SUSD4: variants seen among roughly 807,000 people sequenced by gnomAD.
SUSD4 encodes the protein sushi domain-containing protein 4.
Under a neutral mutation model 50.5 loss-of-function variants are expected in SUSD4, and 41 were observed. The ratio of observed to expected loss-of-function variants is 0.81; its 90% CI spans 0.63 to 1.05. The LOEUF is 1.05. Among genes scored for constraint, SUSD4 ranks in the 50% least tolerant of loss-of-function variants. SUSD4 has a pLI of 0.00. For missense variants in SUSD4, 580 were observed against 634.7 expected (o/e 0.91, Z 0.93); for synonymous variants, 257 against 257.3 (o/e 1.00, Z 0.01).
intron 4 of SUSD4, among the ~76,000 whole-genome samples, chr1:223,265,731 G>A (rs182201500): frequency 6.6e-6 from 1 of 152,372 alleles, no homozygotes; most frequent in African/African-American, 2.4e-5. Context: ...TGGTGGCAGA[G>A]AATTCTGTTG....
In SUSD4 at chr1:223,320,523, G is replaced by A. The variant is rs193009295; in HGVS notation, c.149-27872C>T. Among the ~76,000 whole-genome samples the A allele has an allele frequency of 2.0e-5, 3 of 152,248 alleles. No individual in the cohort carries two copies. The East Asian group carries it at 5.8e-4, about 29-fold the overall frequency. ...GCACAGAGGCCCCCAAGGACATCTG[G>A]CTAAACACGGGTAGCAGAAGTGGGG... On this transcript the variant is annotated intron_variant, in intron 2 of 8. Transcript: ENST00000366878.
chr1:223,283,033 C>G (rs1471694220), intron 3 of SUSD4, among the ~76,000 whole-genome samples: 1 of 152,058 alleles, frequency 6.6e-6, no homozygotes, highest in Non-Finnish European at 1.5e-5. Flanking sequence ...AACTGGCTAG[C>G]CATATGTAGA....
At position 223,332,095 on chromosome 1, in the gene SUSD4, GC is replaced by G. The variant is rs1365111146; in HGVS notation, c.148+31182del. Among the ~76,000 whole-genome samples the G allele has an allele frequency of 6.6e-6, 1 of 152,178 alleles. No homozygotes were observed. Among genetic ancestry groups the G allele is most frequent in the African/African-American group, 2.4e-5 (1 of 41,432 alleles). Reference sequence around the variant, plus strand: ...GGCACAGTGTGAGCCTGGTTACAAAGCCCCCTATTCTCCAGTTGCTGATTTC... The same window carrying G: ...GGCACAGTGTGAGCCTGGTTACAAAGCCCCTATTCTCCAGTTGCTGATTTC... On this transcript the variant is annotated intron_variant, in intron 2 of 8. Transcript: ENST00000366878. This position sits in a 1 kb window ranked among gnomAD's most constrained non-coding sequence, Gnocchi z 4.0.
chr1:223,269,236 CAGAT>C (rs1174871620), intron 3 of SUSD4, among the ~76,000 whole-genome samples: 1 of 152,248 alleles, frequency 6.6e-6, no homozygotes, highest in Non-Finnish European at 1.5e-5. Context: ...AAAGAGATAA[CAGAT>C]AGAGCAGCAC....
chr1:223,252,799 G>A (rs1365778537), intron 5 of SUSD4, among the ~76,000 whole-genome samples: 5 of 151,922 alleles, frequency 3.3e-5, no homozygotes, highest in Non-Finnish European at 5.9e-5. Context: ...TGGAGAAGAC[G>A]GGGTCAGAAA....
chr1:223,267,251 A>G (rs1662555087), intron 4 of SUSD4, among the ~76,000 whole-genome samples: 1 of 152,204 alleles, frequency 6.6e-6, no homozygotes, highest in Admixed American at 6.5e-5. Context: ...TGGGGAAAAA[A>G]GAACTCCTAA....
At chr1:223,289,220 G>A in intron 3 of SUSD4, 2 of 985,374 alleles carry the variant, frequency 2.0e-6, no homozygotes, top group Non-Finnish European at 1.2e-6. Context: ...TGTTCCCTGG[G>A]CCATAGACAT....
chr1:223,352,049 T>G (rs1310920547), intron 2 of SUSD4, among the ~76,000 whole-genome samples: 1 of 152,142 alleles, frequency 6.6e-6, no homozygotes, highest in Non-Finnish European at 1.5e-5. Context: ...AGAGGCCAGG[T>G]AGCCAGCTCT....
Position 223,271,491 on chromosome 1 carries a change from AG to A in SUSD4, c.362-2817del, listed in dbSNP as rs547866636. ...GCCCTCCTGAAAGAAGAGTCACCAT[AG>A]GGAGTGATGCCAGGCCAATTTACTA... On this transcript the variant is annotated intron_variant, in intron 3 of 8. Transcript: ENST00000366878. Among the ~76,000 whole-genome samples, 125 of 152,328 alleles carry A rather than the reference AG, an allele frequency of 8.2e-4. No homozygotes were observed. The Middle Eastern group carries it at 0.01, about 12-fold the overall frequency.
chr1:223,340,702 G>A (rs1667708119), intron 2 of SUSD4, among the ~76,000 whole-genome samples: 1 of 152,178 alleles, frequency 6.6e-6, no homozygotes, highest in Non-Finnish European at 1.5e-5. Flanking sequence ...CCACAGGAGG[G>A]GAAATGTGTC....
chr1:223,316,510 G>A (rs906471570), intron 2 of SUSD4, among the ~76,000 whole-genome samples: 1 of 152,114 alleles, frequency 6.6e-6, no homozygotes, highest in Non-Finnish European at 1.5e-5. Flanking sequence ...AGGACTGGAC[G>A]TTTCTCCTCA....
chr1:223,363,360 T>TTGC lies in SUSD4; in HGVS notation c.63_65dup (p.Gln22dup), dbSNP rs143929528. 8,017 of 1,603,590 alleles carry TTGC rather than the reference T, an allele frequency of 5.0e-3. 231 individuals are homozygous for TTGC. The African/African-American group carries it at 0.083, about 17-fold the overall frequency. On this transcript the variant is annotated inframe_insertion, in exon 2 of 9. Coordinates refer to ENST00000366878, the MANE Select transcript of SUSD4 (RefSeq NM_017982.4). ...CCAAGAGTCTCTGGGGGGACTGAGGTTGCTGCTGCTGCTGCTGCTGCTCTA... is the reference window on the plus strand; with the variant it reads ...CCAAGAGTCTCTGGGGGGACTGAGGTTGCTGCTGCTGCTGCTGCTGCTGCTCTA...
intron 3 of SUSD4, among the ~76,000 whole-genome samples, chr1:223,280,572 C>A (rs547828246): frequency 6.6e-6 from 1 of 152,082 alleles, no homozygotes; most frequent in East Asian, 1.9e-4. Context: ...TACAGGAGCA[C>A]CCAGATTCAT....
chr1:223,274,528 G>A (rs1174641307), intron 3 of SUSD4, among the ~76,000 whole-genome samples: 1 of 152,202 alleles, frequency 6.6e-6, no homozygotes, highest in Non-Finnish European at 1.5e-5. Context: ...TAAACTCACT[G>A]AGAAAAAGCC....
intron 2 of SUSD4, among the ~76,000 whole-genome samples, chr1:223,305,137 G>A (rs1665455060): frequency 6.6e-6 from 1 of 151,982 alleles, no homozygotes; most frequent in South Asian, 2.1e-4. Flanking sequence ...GAGAATTAAA[G>A]TGATTTCTTC....
intron 3 of SUSD4, among the ~76,000 whole-genome samples, chr1:223,279,748 A>G (rs920172683): frequency 3.9e-5 from 6 of 152,162 alleles, no homozygotes; most frequent in Non-Finnish European, 5.9e-5. Flanking sequence ...TGCCACAAAG[A>G]TACTCCTCGA....
intron 3 of SUSD4, among the ~76,000 whole-genome samples, chr1:223,269,948 T>G (rs1662790299): frequency 6.6e-6 from 1 of 152,062 alleles, no homozygotes. Context: ...GGAAATGCTG[T>G]GGCTAGTGGG....
At chr1:223,285,344 C>T (rs981170777) in intron 3 of SUSD4, among the ~76,000 whole-genome samples, 5 of 152,098 alleles carry the variant, frequency 3.3e-5, no homozygotes, top group Non-Finnish European at 4.4e-5. Context: ...TGTGTAGCGA[C>T]GTTCCTCCTT....
intron 5 of SUSD4, among the ~76,000 whole-genome samples, chr1:223,233,878 T>C (rs924307084): frequency 3.1e-4 from 46 of 149,896 alleles, no homozygotes; most frequent in African/African-American, 1.1e-3. Context: ...AACAGGGCTT[T>C]TGTGAGGCTT....
Sources: allele counts gnomAD v4.1 joint callset (sites outside exome capture counted in the v4.1 genomes callset), GRCh38; gene constraint gnomAD v4.1.1; non-coding constraint Gnocchi (gnomAD v3.1); transcripts MANE v1.5; gene names NCBI Gene and HGNC (gene_info 2026-07-23, HGNC 2026-07-21).